The following GRIK1 variants were observed in gnomAD, a reference collection of about 807,000 sequenced individuals.
GRIK1 encodes the protein glutamate receptor ionotropic, kainate 1.
GRIK1 carries 69 observed loss-of-function variants against 105.7 expected under a neutral mutation model. That is an observed-to-expected ratio of 0.65 (90% CI 0.54 to 0.80). The LOEUF is 0.80. Ranked by LOEUF, GRIK1 falls within the 30% of genes least tolerant of loss-of-function variation. The probability of loss-of-function intolerance (pLI) is 0.00; values close to 1 mark genes in which losing one functional copy is unlikely to be tolerated. For missense variants in GRIK1, 1,109 were observed against 1,167.3 expected, an observed-to-expected ratio of 0.95 and a Z score of 0.73; for synonymous variants, 438 against 431.3, an observed-to-expected ratio of 1.02 and a Z score of -0.19.
intron 1 of GRIK1, among the ~76,000 whole-genome samples, chr21:29,740,944 A>T (rs1053034488): frequency 2.0e-5 from 3 of 152,216 alleles, no homozygotes; most frequent in Non-Finnish European, 4.4e-5. Flanking sequence ...ATTTTAGGGA[A>T]GATGACTACG....
intron 1 of GRIK1, among the ~76,000 whole-genome samples, chr21:29,869,025 C>T (rs1438889136): frequency 6.6e-6 from 1 of 152,218 alleles, no homozygotes; most frequent in East Asian, 1.9e-4. Context: ...ATACAGTTTT[C>T]ATCACCTGTG....
At chr21:29,811,783 A>G (rs1170538053) in intron 1 of GRIK1, among the ~76,000 whole-genome samples, 3 of 152,172 alleles carry the variant, frequency 2.0e-5, no homozygotes, top group Non-Finnish European at 4.4e-5. Context: ...CCTTCATTAT[A>G]GTCTAGATGC....
intron 1 of GRIK1, among the ~76,000 whole-genome samples, chr21:29,724,553 C>T (rs191430535): frequency 6.6e-6 from 1 of 152,286 alleles, no homozygotes; most frequent in African/African-American, 2.4e-5. Flanking sequence ...GGAAGCCAAA[C>T]GGATTCTACA....
intron 1 of GRIK1, among the ~76,000 whole-genome samples, chr21:29,766,028 T>A (rs1482950823): frequency 2.0e-5 from 3 of 152,024 alleles, no homozygotes; most frequent in African/African-American, 7.2e-5. Context: ...ATTTTTTGTA[T>A]TTTTAGTAGA....
At chr21:29,826,711 C>G (rs1355586423) in intron 1 of GRIK1, among the ~76,000 whole-genome samples, 1 of 151,816 alleles carries the variant, frequency 6.6e-6, no homozygotes, top group Admixed American at 6.6e-5. Flanking sequence ...AATATATATA[C>G]ACATATGAAT....
intron 4 of GRIK1, among the ~76,000 whole-genome samples, chr21:29,668,958 G>A (rs76321113): frequency 0.014 from 2,088 of 152,326 alleles, 45 homozygotes; most frequent in African/African-American, 0.049. Flanking sequence ...CTGCTGCGAG[G>A]TGGTGGGTGG....
intron 1 of GRIK1, among the ~76,000 whole-genome samples, chr21:29,711,012 G>C (rs79152977): frequency 1.3e-5 from 2 of 151,274 alleles, no homozygotes; most frequent in Admixed American, 1.3e-4. Flanking sequence ...TTCTTGTTTT[G>C]AGTTTCTCCT....
chr21:29,866,154 C>A (rs940628831), intron 1 of GRIK1, among the ~76,000 whole-genome samples: 4 of 152,206 alleles, frequency 2.6e-5, no homozygotes, highest in Non-Finnish European at 2.9e-5. Flanking sequence ...ATAACCTCAA[C>A]CTCCCAGGTT....
chr21:29,753,873 A>T (rs1972550040), intron 1 of GRIK1, among the ~76,000 whole-genome samples: 1 of 152,110 alleles, frequency 6.6e-6, no homozygotes, highest in Non-Finnish European at 1.5e-5. Context: ...ATATATATAT[A>T]ATATATAGTT....
chr21:29,614,993 A>G (rs987211766), intron 7 of GRIK1, among the ~76,000 whole-genome samples: 18 of 151,574 alleles, frequency 1.2e-4, no homozygotes, highest in Non-Finnish European at 2.4e-4. Context: ...AATATATCCC[A>G]ACAAATAAGG....
intron 4 of GRIK1, among the ~76,000 whole-genome samples, chr21:29,671,795 T>C (rs2063165617): frequency 6.6e-6 from 1 of 152,180 alleles, no homozygotes; most frequent in African/African-American, 2.4e-5. Flanking sequence ...GCAGACCACA[T>C]AAATATAACC....
intron 1 of GRIK1, among the ~76,000 whole-genome samples, chr21:29,739,911 G>C (rs1490353926): frequency 2.6e-5 from 4 of 152,118 alleles, no homozygotes; most frequent in African/African-American, 9.7e-5. Flanking sequence ...ACCATAAAGT[G>C]TTTTTATGAT....
intron 1 of GRIK1, among the ~76,000 whole-genome samples, chr21:29,811,023 T>C (rs1449135773): frequency 6.6e-6 from 1 of 152,172 alleles, no homozygotes; most frequent in Admixed American, 6.5e-5. Context: ...TTCAACTGTT[T>C]ATTTTTATTT....
intron 12 of GRIK1, among the ~76,000 whole-genome samples, chr21:29,586,183 G>A (rs1339936382): frequency 6.6e-6 from 1 of 152,154 alleles, no homozygotes; most frequent in Non-Finnish European, 1.5e-5. Flanking sequence ...GAGAGCTTTG[G>A]TCAGTAAAAG....
intron 8 of GRIK1, chr21:29,597,589 C>G: frequency 2.2e-6 from 1 of 456,656 alleles, no homozygotes. Flanking sequence ...CATGCACCAT[C>G]GTGGAGACTG....
chr21:29,560,519 C>CCTTCCTTTCTTT lies in GRIK1; in HGVS notation c.2356+1104_2356+1105insAAAGAAAGGAAG, dbSNP rs2090436242. Among the ~76,000 whole-genome samples the CCTTCCTTTCTTT allele has an allele frequency of 1.0e-3, 59 of 57,834 alleles. 2 individuals carry two copies. Among genetic ancestry groups the CCTTCCTTTCTTT allele is most frequent in the Admixed American group, 1.2e-3 (6 of 4,824 alleles). 37.9% of individuals were successfully genotyped at this position (57,834 alleles called of 152,430 possible). ...TCTTTCCTTCCTTCCTTCCTTCCTT[C>CCTTCCTTTCTTT]CTTTCTTTCTTTCTTTCTTTCTTTC... On this transcript the variant is annotated intron_variant, in intron 15 of 17. Coordinates refer to ENST00000327783, the MANE Select transcript of GRIK1 (RefSeq NM_001330994.2).
chr21:29,908,948 A>C (rs1323931057), intron 1 of GRIK1, among the ~76,000 whole-genome samples: 2 of 152,180 alleles, frequency 1.3e-5, no homozygotes, highest in African/African-American at 4.8e-5. Flanking sequence ...TAGATGAATT[A>C]TTTTCCATAT....
chr21:29,697,675 C>A (rs1435471764), intron 1 of GRIK1, among the ~76,000 whole-genome samples: 1 of 152,078 alleles, frequency 6.6e-6, no homozygotes, highest in Non-Finnish European at 1.5e-5. Context: ...AGGAGCCAGA[C>A]CATTACCTCA....
intron 1 of GRIK1, among the ~76,000 whole-genome samples, chr21:29,897,923 G>C (rs1853212688): frequency 6.6e-6 from 1 of 152,166 alleles, no homozygotes; most frequent in African/African-American, 2.4e-5. Flanking sequence ...TTATAGACTT[G>C]AACAATTGTG....
Sources: gnomAD v4.1 joint callset for allele counts (sites outside exome capture counted in the v4.1 genomes callset) on GRCh38, gnomAD v4.1.1 for gene constraint, MANE v1.5 for transcripts, NCBI Gene and HGNC (gene_info 2026-07-23, HGNC 2026-07-21) for gene names.